PSME4: variants seen among roughly 807,000 people sequenced by gnomAD.
PSME4 encodes proteasome activator complex subunit 4.
In PSME4, 89 loss-of-function variants were observed where a neutral mutation model predicts 253.9. The observed-to-expected ratio is 0.35, with a 90% CI of 0.30 to 0.42. The LOEUF (loss-of-function observed/expected upper bound fraction) is 0.42, where lower values mean the gene tolerates loss of function less well. Among genes scored for constraint, PSME4 ranks in the 10% least tolerant of loss-of-function variants. PSME4 has a pLI of 1.00. For synonymous variants in PSME4, 851 were observed against 759.2 expected, an observed-to-expected ratio of 1.12 and a Z score of -1.99; for missense variants, 2,014 against 2,195.2, an observed-to-expected ratio of 0.92 and a Z score of 1.65.
chr2:53,909,075 T>A (rs1160267898), intron 21 of PSME4, among the ~76,000 whole-genome samples: 1 of 151,716 alleles, frequency 6.6e-6, no homozygotes, highest in East Asian at 1.9e-4. Flanking sequence ...AAAATAATAA[T>A]AATAAAAAAT....
chr2:53,908,831 C>T lies in PSME4; in HGVS notation c.2582G>A (p.Arg861Gln), dbSNP rs149108636. 2.5e-5 allele frequency: 40 copies of T among 1,587,098 alleles called. No individual in the cohort carries two copies. Among genetic ancestry groups the T allele is most frequent in the Non-Finnish European group, 3.0e-5 (35 of 1,164,534 alleles). The change falls in exon 22 of 47, where the codon CGA (arginine) becomes CAA (glutamine). Residue 861 changes from arginine (R) to glutamine (Q), a missense_variant. Arg to Gln is a conservative substitution (Grantham distance 43, BLOSUM62 1). Coordinates refer to ENST00000404125, the MANE Select transcript of PSME4 (RefSeq NM_014614.3). ...LYTGLEYDLS[R>Q]ENHREVIATV... ...AGCAATTACTTCTCGGTGGTTCTCTCGAGACAGATCTATTTTGAAAAAATA... is the reference window on the plus strand; with the variant it reads ...AGCAATTACTTCTCGGTGGTTCTCTTGAGACAGATCTATTTTGAAAAAATA...
intron 41 of PSME4, 99 bp downstream of exon 41, chr2:53,885,591 A>C: frequency 2.5e-6 from 2 of 789,634 alleles, no homozygotes; most frequent in Admixed American, 5.1e-5. Context: ...ATCCAATCAA[A>C]ATTCACACTG....
At chr2:53,958,157 G>A (rs2104484853) in intron 1 of PSME4, among the ~76,000 whole-genome samples, 1 of 142,074 alleles carries the variant, frequency 7.0e-6, no homozygotes, top group South Asian at 2.2e-4. Flanking sequence ...CTGCACTCCA[G>A]CCTGGGCGAC....
At chr2:53,872,846 G>C (rs867014131) in intron 43 of PSME4, among the ~76,000 whole-genome samples, 2 of 149,250 alleles carry the variant, frequency 1.3e-5, no homozygotes, top group South Asian at 2.1e-4. Flanking sequence ...ACAATGACAA[G>C]GTCATTGTTT....
chr2:53,921,205 C>T, intron 17 of PSME4, 101 bp from the exon 18 acceptor site: 9 of 1,510,352 alleles, frequency 6.0e-6, no homozygotes, highest in Non-Finnish European at 8.0e-6. Flanking sequence ...TAGTGTTTCT[C>T]TAAATGACTT....
chr2:53,877,440 G>A (rs544286635), intron 41 of PSME4, among the ~76,000 whole-genome samples: 4 of 151,734 alleles, frequency 2.6e-5, no homozygotes, highest in Non-Finnish European at 5.9e-5. Flanking sequence ...TTTGCTAAGG[G>A]AAATTATTTC....
chr2:53,907,792 G>C (rs964471560), intron 24 of PSME4, among the ~76,000 whole-genome samples: 1 of 152,028 alleles, frequency 6.6e-6, no homozygotes, highest in African/African-American at 2.4e-5. Flanking sequence ...AAAGTATCTA[G>C]CAACTGTTGT....
chr2:53,876,610 C>T (rs1251023073), intron 41 of PSME4, among the ~76,000 whole-genome samples: 1 of 151,346 alleles, frequency 6.6e-6, no homozygotes, highest in Non-Finnish European at 1.5e-5. Context: ...AGCTTTCCCT[C>T]ATTTGGAATA....
At chr2:53,879,091 G>A (rs190934782) in intron 41 of PSME4, among the ~76,000 whole-genome samples, 622 of 152,116 alleles carry the variant, frequency 4.1e-3, no homozygotes, top group African/African-American at 0.014. Flanking sequence ...TTCTCAGACC[G>A]GCCGACACTT....
intron 43 of PSME4, among the ~76,000 whole-genome samples, chr2:53,871,598 G>A (rs1218161607): frequency 6.6e-6 from 1 of 152,152 alleles, no homozygotes; most frequent in South Asian, 2.1e-4. Flanking sequence ...TGAGTAGTCA[G>A]ATCTGTGCAT....
At chr2:53,953,480 T>C (rs1017443290) in intron 1 of PSME4, among the ~76,000 whole-genome samples, 10 of 94,180 alleles carry the variant, frequency 1.1e-4, no homozygotes, top group African/African-American at 3.9e-4. Context: ...TGAAACCCCA[T>C]GTCTATTAAA....
At chr2:53,935,947 G>T in intron 7 of PSME4, 140 bp downstream of exon 7, 1 of 1,010,120 alleles carries the variant, frequency 9.9e-7, no homozygotes, top group Non-Finnish European at 1.3e-6. Flanking sequence ...AGGCTGGAGT[G>T]CAGTACTGCA....
intron 44 of PSME4, 45 bp from the exon 45 acceptor site, chr2:53,866,925 T>C: frequency 2.6e-6 from 4 of 1,558,756 alleles, no homozygotes; most frequent in East Asian, 2.3e-5. Flanking sequence ...TATATGTCTC[T>C]AATGCACTTG....
chr2:53,955,728 C>T (rs1407051072), intron 1 of PSME4, among the ~76,000 whole-genome samples: 1 of 152,088 alleles, frequency 6.6e-6, no homozygotes, highest in African/African-American at 2.4e-5. Context: ...TTGAGACCAG[C>T]CTGGGCAACA....
At chr2:53,886,763 G>C (rs899837122) in intron 40 of PSME4, among the ~76,000 whole-genome samples, 6 of 152,148 alleles carry the variant, frequency 3.9e-5, no homozygotes, top group Middle Eastern at 3.2e-3. Flanking sequence ...TCAATGTTCA[G>C]AGCAGCATTA....
Position 53,935,747 on chromosome 2 carries a change from G to C in PSME4, c.834+340C>G, listed in dbSNP as rs533945304. Among the ~76,000 whole-genome samples the C allele has an allele frequency of 4.6e-5, 7 of 152,176 alleles. No individual in the cohort carries two copies. In the South Asian group the frequency reaches 1.5e-3, roughly 32 times the overall value. On this transcript the variant is annotated intron_variant, in intron 7 of 46. Coordinates refer to ENST00000404125, the MANE Select transcript of PSME4 (RefSeq NM_014614.3). ...TATGGTCTAATTACCTTTTGAAAAG[G>C]TAATTGGACCCAGCCCTGTAAATTA...
intron 43 of PSME4, among the ~76,000 whole-genome samples, chr2:53,871,992 C>T (rs1400081736): frequency 6.6e-6 from 1 of 151,838 alleles, no homozygotes; most frequent in African/African-American, 2.4e-5. Context: ...CCCGCCTGGG[C>T]AAAAAGAGTG....
At chr2:53,964,871 C>T (rs912485412) in intron 1 of PSME4, among the ~76,000 whole-genome samples, 6 of 152,278 alleles carry the variant, frequency 3.9e-5, no homozygotes, top group South Asian at 2.1e-4. Flanking sequence ...AATCAATCCA[C>T]GAAGGCTGCA....
intron 1 of PSME4, among the ~76,000 whole-genome samples, chr2:53,953,487 T>TAAAA (rs67192995): frequency 7.3e-5 from 9 of 122,982 alleles, no homozygotes; most frequent in Non-Finnish European, 8.4e-5. Flanking sequence ...CCATGTCTAT[T>TAAAA]AAAAAAAAAA....
Sources: allele counts gnomAD v4.1 joint callset (sites outside exome capture counted in the v4.1 genomes callset), GRCh38; gene constraint gnomAD v4.1.1; transcripts MANE v1.5; gene names NCBI Gene and HGNC (gene_info 2026-07-23, HGNC 2026-07-21).